Variants in KIFAP3 observed in about 807,000 individuals in gnomAD.
KIFAP3 encodes the protein kinesin associated protein 3.
KIFAP3 carries 68 observed loss-of-function variants against 106.5 expected under a neutral mutation model. That is an observed-to-expected ratio of 0.64 (90% CI 0.53 to 0.78). KIFAP3 has a LOEUF of 0.78. Among genes scored for constraint, KIFAP3 ranks in the 30% least tolerant of loss-of-function variants. The pLI, the probability that KIFAP3 is intolerant of heterozygous loss-of-function variation, is 0.00. For missense variants in KIFAP3, 780 were observed against 941.8 expected, an observed-to-expected ratio of 0.83 and a Z score of 2.25; for synonymous variants, 320 against 311.5, an observed-to-expected ratio of 1.03 and a Z score of -0.29.
intron 8 of KIFAP3, 31 bp downstream of exon 8, chr1:170,031,855 G>T (rs770663353): frequency 7.3e-7 from 1 of 1,363,290 alleles, no homozygotes; most frequent in South Asian, 1.2e-5. Context: ...TAAGTACTTT[G>T]TTGCTTTCCT....
At chr1:170,008,883 G>A (rs1211260211) in intron 10 of KIFAP3, among the ~76,000 whole-genome samples, 2 of 152,170 alleles carry the variant, frequency 1.3e-5, no homozygotes, top group Non-Finnish European at 2.9e-5. Flanking sequence ...GCCCATCAAT[G>A]ATAGACTGGA....
At chr1:169,978,914 T>C (rs917104106) in intron 15 of KIFAP3, among the ~76,000 whole-genome samples, 1 of 152,118 alleles carries the variant, frequency 6.6e-6, no homozygotes, top group Non-Finnish European at 1.5e-5. Context: ...CCTCACTAAC[T>C]TGCCAAAGTA....
chr1:170,068,569 G>C (rs1671557159), intron 1 of KIFAP3: 1 of 151,438 alleles, frequency 6.6e-6, no homozygotes, highest in Non-Finnish European at 1.5e-5. Context: ...CAGAACCTAA[G>C]AGACTTATGG....
intron 17 of KIFAP3, among the ~76,000 whole-genome samples, chr1:169,964,562 A>T (rs1665506171): frequency 6.6e-6 from 1 of 152,168 alleles, no homozygotes; most frequent in Non-Finnish European, 1.5e-5. Context: ...ATATTGGAAG[A>T]AGTAGCTTCT....
chr1:170,062,490 C>G (rs1348212935), intron 1 of KIFAP3, among the ~76,000 whole-genome samples: 2 of 152,144 alleles, frequency 1.3e-5, no homozygotes, highest in Non-Finnish European at 2.9e-5. Flanking sequence ...GACTTTGGCT[C>G]TAAACTCTAC....
rs1669005748 is a variant in KIFAP3, at chr1:170,024,336, T to G, written c.1020+82A>C. ...ATTCAGAATTATCTCGGTAGGGGAATAAAGTGTTTAATTTTTTTCAAAATA... is the reference window on the plus strand; with the variant it reads ...ATTCAGAATTATCTCGGTAGGGGAAGAAAGTGTTTAATTTTTTTCAAAATA... On this transcript the variant is annotated intron_variant, in intron 9 of 19. Coordinates refer to ENST00000361580, the MANE Select transcript of KIFAP3 (RefSeq NM_014970.4). 3.7e-6 allele frequency: 3 copies of G among 812,508 alleles called. No homozygotes were observed. In the African/African-American group the frequency reaches 5.2e-5, roughly 14 times the overall value. The allele number at this position is 812,508 out of a possible 1,614,324, so 50.3% of individuals were successfully genotyped here. A position where few individuals can be genotyped will look rare whatever the true frequency, so the allele number is the denominator to read the frequency against.
At chr1:169,948,375 A>C (rs1664553448) in intron 19 of KIFAP3, among the ~76,000 whole-genome samples, 2 of 151,940 alleles carry the variant, frequency 1.3e-5, no homozygotes, top group African/African-American at 4.8e-5. Flanking sequence ...TTCTGCTGAG[A>C]AAAAGTAATA....
intron 10 of KIFAP3, among the ~76,000 whole-genome samples, chr1:170,014,266 A>G (rs190855169): frequency 6.6e-6 from 1 of 152,320 alleles, no homozygotes; most frequent in East Asian, 1.9e-4. Context: ...TGTAAGTACA[A>G]ACTTCTTAGC....
intron 10 of KIFAP3, among the ~76,000 whole-genome samples, chr1:170,007,599 A>G (rs867354859): frequency 1.3e-5 from 2 of 152,176 alleles, no homozygotes; most frequent in Admixed American, 1.3e-4. Context: ...ACTACAAACC[A>G]CTGCTCAACG....
chr1:170,068,023 T>C (rs933298488), intron 1 of KIFAP3: 1 of 152,230 alleles, frequency 6.6e-6, no homozygotes, highest in Non-Finnish European at 1.5e-5. Context: ...GGTAAAATTG[T>C]AAATTGCCTG....
At chr1:170,073,355 T>C (rs182766611) in intron 1 of KIFAP3, among the ~76,000 whole-genome samples, 21 of 152,262 alleles carry the variant, frequency 1.4e-4, no homozygotes, top group African/African-American at 2.9e-4. Context: ...GCCAGGACAA[T>C]AGAGTTGATT....
chr1:170,019,712 A>G (rs550984382), intron 9 of KIFAP3, among the ~76,000 whole-genome samples: 1 of 152,242 alleles, frequency 6.6e-6, no homozygotes, highest in African/African-American at 2.4e-5. Context: ...GTATCTAAAA[A>G]ACCCCACTGT....
Position 170,021,941 on chromosome 1 carries a change from CTTTTTTTTTTTTTTTTT to C in KIFAP3, c.1020+2460_1020+2476del, listed in dbSNP as rs71125221. 1.9e-3 allele frequency among the ~76,000 whole-genome samples: 145 copies of C among 77,906 alleles called. 2 individuals carry two copies. The highest frequency in any genetic ancestry group is 6.7e-3 in the African/African-American group (141 of 21,024). 51.1% of individuals were successfully genotyped at this position (77,906 alleles called of 152,430 possible). The stretch of plus-strand genomic sequence containing the variant: ...TCAGGTCTATTTCTTTCTTTTCTTT[CTTTTTTTTTTTTTTTTT>C]TTTTTTTTTGAGACAGAGGCTTGCT... On this transcript the variant is annotated intron_variant, in intron 9 of 19. Coordinates refer to ENST00000361580, the MANE Select transcript of KIFAP3 (RefSeq NM_014970.4).
chr1:170,038,216 T>A, intron 5 of KIFAP3, 74 bp downstream of exon 5: 1 of 1,158,206 alleles, frequency 8.6e-7, no homozygotes, highest in Non-Finnish European at 1.2e-6. Flanking sequence ...GGAAAATATA[T>A]GAAGTCTTAA....
intron 16 of KIFAP3, among the ~76,000 whole-genome samples, chr1:169,975,655 T>C (rs947483611): frequency 2.0e-5 from 3 of 152,088 alleles, no homozygotes; most frequent in African/African-American, 7.2e-5. Flanking sequence ...CGTTCTGTCA[T>C]CCAGGCTGGA....
intron 19 of KIFAP3, among the ~76,000 whole-genome samples, chr1:169,924,126 A>G (rs762196042): frequency 6.6e-6 from 1 of 152,234 alleles, no homozygotes; most frequent in Non-Finnish European, 1.5e-5. Context: ...GTACATTAAC[A>G]AATGGATTTT....
chr1:170,068,691 A>C (rs1557879028), intron 1 of KIFAP3: 1 of 152,122 alleles, frequency 6.6e-6, no homozygotes, highest in Admixed American at 6.6e-5. Flanking sequence ...AAATTAGACC[A>C]AAGACAAACT....
At chr1:169,935,750 A>T (rs1377089457) in intron 19 of KIFAP3, among the ~76,000 whole-genome samples, 1 of 152,028 alleles carries the variant, frequency 6.6e-6, no homozygotes, top group Non-Finnish European at 1.5e-5. Flanking sequence ...ATACACACAG[A>T]TTTTACATAT....
At chr1:169,939,030 G>C (rs1663961897) in intron 19 of KIFAP3, among the ~76,000 whole-genome samples, 1 of 152,122 alleles carries the variant, frequency 6.6e-6, no homozygotes, top group South Asian at 2.1e-4. Context: ...TAAGAAATTT[G>C]TATTTTATTA....
Sources: gnomAD v4.1 joint callset for allele counts (sites outside exome capture counted in the v4.1 genomes callset) on GRCh38, gnomAD v4.1.1 for gene constraint, MANE v1.5 for transcripts, NCBI Gene and HGNC (gene_info 2026-07-23, HGNC 2026-07-21) for gene names.